Variants in RAD51B observed in about 807,000 individuals in gnomAD.
RAD51B encodes the protein RAD51 paralog B.
In RAD51B, 38 loss-of-function variants were observed where a neutral mutation model predicts 42.2. The ratio of observed to expected loss-of-function variants is 0.90; its 90% CI spans 0.70 to 1.18. The LOEUF is 1.18. RAD51B is among the 50% of genes most tolerant of loss of function. RAD51B has a pLI of 0.00. For synonymous variants in RAD51B, 154 were observed against 145.2 expected, an observed-to-expected ratio of 1.06 and a Z score of -0.43; for missense variants, 373 against 400.7, an observed-to-expected ratio of 0.93 and a Z score of 0.59.
intron 5 of RAD51B, among the ~76,000 whole-genome samples, chr14:67,879,357 G>A (rs2042832250): frequency 6.6e-6 from 1 of 152,160 alleles, no homozygotes; most frequent in Non-Finnish European, 1.5e-5. Flanking sequence ...TCATAACAAT[G>A]CATAGATTAG....
intron 7 of RAD51B, among the ~76,000 whole-genome samples, chr14:68,188,078 G>A (rs528890064): frequency 6.6e-6 from 1 of 152,210 alleles, no homozygotes; most frequent in African/African-American, 2.4e-5. Context: ...GCCTCCCAAA[G>A]TGCTGGGATT....
At chr14:68,556,513 C>A (rs552792162) in intron 10 of RAD51B, among the ~76,000 whole-genome samples, 38 of 152,176 alleles carry the variant, frequency 2.5e-4, no homozygotes, top group African/African-American at 6.7e-4. Context: ...GGGGAGAGAG[C>A]GGCCTGAGAA....
intron 7 of RAD51B, among the ~76,000 whole-genome samples, chr14:68,277,090 TTA>T (rs2081240127): frequency 1.3e-5 from 2 of 152,168 alleles, no homozygotes; most frequent in African/African-American, 4.8e-5. Flanking sequence ...CTGAACCTCC[TTA>T]GTCCCAGGTA....
At chr14:68,181,862 A>G (rs2079066563) in intron 7 of RAD51B, among the ~76,000 whole-genome samples, 1 of 152,216 alleles carries the variant, frequency 6.6e-6, no homozygotes, top group African/African-American at 2.4e-5. Context: ...GTCACTGGAA[A>G]AACTCTGAGT....
chr14:68,403,474 A>G (rs946008523), intron 8 of RAD51B, among the ~76,000 whole-genome samples: 2 of 152,230 alleles, frequency 1.3e-5, no homozygotes, highest in Non-Finnish European at 2.9e-5. Context: ...GAGCTTTCTC[A>G]TTAAGAGCTT....
At chr14:67,956,363 T>A (rs1372941862) in intron 7 of RAD51B, among the ~76,000 whole-genome samples, 1 of 152,154 alleles carries the variant, frequency 6.6e-6, no homozygotes, top group Non-Finnish European at 1.5e-5. Context: ...GGCGGCCACC[T>A]GTAATCCCAG....
intron 10 of RAD51B, among the ~76,000 whole-genome samples, chr14:68,634,191 C>T (rs567446487): frequency 2.6e-5 from 4 of 152,160 alleles, no homozygotes; most frequent in South Asian, 2.1e-4. Flanking sequence ...GCACCTACCT[C>T]GTAGAGTTAC....
chr14:67,996,416 A>T (rs1300272143), intron 7 of RAD51B, among the ~76,000 whole-genome samples: 1 of 99,496 alleles, frequency 1.0e-5, no homozygotes, highest in Admixed American at 1.0e-4. Flanking sequence ...CAACAATAAT[A>T]AATAAATAAA....
intron 7 of RAD51B, among the ~76,000 whole-genome samples, chr14:67,951,737 T>G (rs896285517): frequency 3.3e-5 from 5 of 152,194 alleles, no homozygotes; most frequent in African/African-American, 7.2e-5. Flanking sequence ...TTCATACTAT[T>G]CTGTTATTTT....
chr14:68,312,422 A>G (rs569088036), intron 8 of RAD51B, among the ~76,000 whole-genome samples: 53 of 152,346 alleles, frequency 3.5e-4, no homozygotes, highest in African/African-American at 1.3e-3. Flanking sequence ...AGTTATTAAG[A>G]CAAGGATGGG....
At chr14:68,405,632 T>C (rs1188992802) in intron 8 of RAD51B, among the ~76,000 whole-genome samples, 3 of 152,128 alleles carry the variant, frequency 2.0e-5, no homozygotes, top group Non-Finnish European at 4.4e-5. Flanking sequence ...TGGTCATCTG[T>C]ACTCATGGCC....
intron 3 of RAD51B, among the ~76,000 whole-genome samples, chr14:67,828,237 T>G (rs1426899659): frequency 2.0e-5 from 3 of 152,182 alleles, no homozygotes; most frequent in Admixed American, 6.5e-5. Flanking sequence ...TCTCTAATGA[T>G]CAGTGATGTT....
At chr14:68,597,582 G>A (rs998607090), downstream of RAD51B, among the ~76,000 whole-genome samples, 5 of 152,180 alleles carry the variant, frequency 3.3e-5, no homozygotes, top group African/African-American at 1.2e-4. Flanking sequence ...GTAAGTGGGA[G>A]TTAAATGGTA....
At chr14:68,347,119 A>G (rs148196723) in intron 8 of RAD51B, among the ~76,000 whole-genome samples, 5 of 152,224 alleles carry the variant, frequency 3.3e-5, no homozygotes, top group Admixed American at 6.5e-5. Flanking sequence ...ATTGTCTGCA[A>G]CACTGTTTGC....
intron 8 of RAD51B, among the ~76,000 whole-genome samples, chr14:68,393,529 T>A (rs1253819327): frequency 1.3e-5 from 2 of 152,206 alleles, no homozygotes; most frequent in African/African-American, 2.4e-5. Context: ...GGCTGCTGTT[T>A]ATAAGGTTGA....
intron 7 of RAD51B, among the ~76,000 whole-genome samples, chr14:68,081,355 C>A (rs559247853): frequency 1.2e-4 from 19 of 152,162 alleles, no homozygotes; most frequent in Non-Finnish European, 2.5e-4. Flanking sequence ...GACTGTGGTC[C>A]TGGCCCACAG....
chr14:67,860,772 T>C (rs570812617), intron 4 of RAD51B, among the ~76,000 whole-genome samples: 6 of 152,308 alleles, frequency 3.9e-5, no homozygotes, highest in Non-Finnish European at 8.8e-5. Flanking sequence ...ATATGGATGG[T>C]CCCTGTAAAA....
intron 10 of RAD51B, among the ~76,000 whole-genome samples, chr14:68,576,660 A>G (rs887366801): frequency 4.6e-5 from 7 of 152,198 alleles, no homozygotes; most frequent in African/African-American, 1.2e-4. Flanking sequence ...GGTATGAGTC[A>G]TCTTTGCCTC....
At chr14:68,599,944 T>C (rs1223460510), downstream of RAD51B, among the ~76,000 whole-genome samples, 1 of 152,180 alleles carries the variant, frequency 6.6e-6, no homozygotes, top group African/African-American at 2.4e-5. Context: ...CTTTGGGGTC[T>C]CTCAGAGAGC....
Sources: gnomAD v4.1 joint callset for allele counts (sites outside exome capture counted in the v4.1 genomes callset) on GRCh38, gnomAD v4.1.1 for gene constraint, MANE v1.5 for transcripts, NCBI Gene and HGNC (gene_info 2026-07-23, HGNC 2026-07-21) for gene names.